Variants in PLCB1 observed in about 807,000 individuals in gnomAD.
The protein encoded by PLCB1 is 1-phosphatidylinositol 4,5-bisphosphate phosphodiesterase beta-1.
In PLCB1, 46 loss-of-function variants were observed where a neutral mutation model predicts 161.8. The observed-to-expected ratio is 0.28, with a 90% confidence interval of 0.22 to 0.36. The LOEUF (loss-of-function observed/expected upper bound fraction) is 0.36. Among genes scored for constraint, PLCB1 ranks in the 10% least tolerant of loss-of-function variants. The pLI is 1.00. For missense variants in PLCB1, 1,016 were observed against 1,472.5 expected, an observed-to-expected ratio of 0.69 and a Z score of 5.07; for synonymous variants, 517 against 503.7, an observed-to-expected ratio of 1.03 and a Z score of -0.35.
intron 9 of PLCB1, among the ~76,000 whole-genome samples, chr20:8,664,667 T>C (rs1989764866): frequency 6.6e-6 from 1 of 152,084 alleles, no homozygotes; most frequent in African/African-American, 2.4e-5. Flanking sequence ...CTTGTGCATA[T>C]AAGCAAAAAG....
intron 3 of PLCB1, among the ~76,000 whole-genome samples, chr20:8,538,380 T>C (rs978905360): frequency 2.0e-5 from 3 of 152,208 alleles, no homozygotes; most frequent in Non-Finnish European, 4.4e-5. Context: ...ATGGTCTTGC[T>C]CTGTTGCCCA....
intron 3 of PLCB1, among the ~76,000 whole-genome samples, chr20:8,445,695 C>T (rs2122629460): frequency 6.6e-6 from 1 of 152,152 alleles, no homozygotes; most frequent in East Asian, 1.9e-4. Context: ...AATGTTCTTC[C>T]ATTTGTTTGT....
At chr20:8,591,632 G>A (rs983892056) in intron 3 of PLCB1, among the ~76,000 whole-genome samples, 7 of 152,154 alleles carry the variant, frequency 4.6e-5, no homozygotes, top group Non-Finnish European at 7.3e-5. Context: ...CTTAAGAGAC[G>A]TTATTTTTTG....
At chr20:8,542,266 G>T in intron 3 of PLCB1, among the ~76,000 whole-genome samples, 1 of 152,126 alleles carries the variant, frequency 6.6e-6, no homozygotes, top group East Asian at 1.9e-4. Flanking sequence ...TGCGGCCTTT[G>T]TCTAAGCAGA....
intron 4 of PLCB1, among the ~76,000 whole-genome samples, chr20:8,629,195 A>T (rs1248697760): frequency 6.6e-6 from 1 of 152,120 alleles, no homozygotes; most frequent in African/African-American, 2.4e-5. Flanking sequence ...TACTCAGTTA[A>T]TATGTAGACT....
intron 25 of PLCB1, among the ~76,000 whole-genome samples, chr20:8,761,977 G>GGGA (rs1018253027): frequency 4.4e-5 from 3 of 67,622 alleles, no homozygotes; most frequent in Admixed American, 1.9e-4. Flanking sequence ...GGGAGGCCAA[G>GGGA]GGGGGGGCGG....
intron 3 of PLCB1, among the ~76,000 whole-genome samples, chr20:8,559,643 T>C (rs1463829361): frequency 6.6e-6 from 1 of 152,048 alleles, no homozygotes; most frequent in African/African-American, 2.4e-5. Flanking sequence ...ATTCAAATTC[T>C]AAAAGAGAAC....
chr20:8,433,456 G>A (rs1395308205), intron 3 of PLCB1, among the ~76,000 whole-genome samples: 1 of 116,604 alleles, frequency 8.6e-6, no homozygotes, highest in Non-Finnish European at 1.9e-5. Flanking sequence ...CTTCCATAAA[G>A]AGGGGAACTG....
At chr20:8,631,951 C>T in intron 4 of PLCB1, among the ~76,000 whole-genome samples, 1 of 127,666 alleles carries the variant, frequency 7.8e-6, no homozygotes, top group East Asian at 2.5e-4. Context: ...AATGTCCTTA[C>T]AACACTCAAC....
intron 20 of PLCB1, among the ~76,000 whole-genome samples, chr20:8,738,696 C>G (rs1257764339): frequency 6.6e-6 from 1 of 152,144 alleles, no homozygotes; most frequent in Admixed American, 6.5e-5. Flanking sequence ...AATAAAACAG[C>G]CTATTTTTTT....
chr20:8,586,573 G>T (rs1986998919), intron 3 of PLCB1, among the ~76,000 whole-genome samples: 1 of 152,020 alleles, frequency 6.6e-6, no homozygotes, highest in Non-Finnish European at 1.5e-5. Flanking sequence ...CCCTTACATT[G>T]GCCGGCCTGA....
At chr20:8,338,659 T>C (rs2122215896) in intron 2 of PLCB1, among the ~76,000 whole-genome samples, 1 of 152,314 alleles carries the variant, frequency 6.6e-6, no homozygotes, top group South Asian at 2.1e-4. Context: ...ATAATTTATA[T>C]AGAGTAGAAT....
At chr20:8,161,627 C>T (rs2051624895) in intron 2 of PLCB1, among the ~76,000 whole-genome samples, 1 of 152,112 alleles carries the variant, frequency 6.6e-6, no homozygotes, top group South Asian at 2.1e-4. Flanking sequence ...AGGCCTAGTA[C>T]ATTTGCTAGG....
At chr20:8,825,155 A>C (rs1028896874) in intron 31 of PLCB1, among the ~76,000 whole-genome samples, 4 of 152,222 alleles carry the variant, frequency 2.6e-5, no homozygotes, top group African/African-American at 9.7e-5. Context: ...CTTTGTAAAA[A>C]GTAGACATTG....
intron 9 of PLCB1, among the ~76,000 whole-genome samples, chr20:8,666,082 G>A (rs751028456): frequency 3.3e-5 from 5 of 152,178 alleles, no homozygotes; most frequent in Non-Finnish European, 7.3e-5. Context: ...AGTAGTTGAA[G>A]AATAAATACC....
chr20:8,342,964 T>A (rs959040699), intron 2 of PLCB1, among the ~76,000 whole-genome samples: 3 of 152,324 alleles, frequency 2.0e-5, no homozygotes, highest in South Asian at 2.1e-4. Context: ...CACATGGATA[T>A]CCAAGGAATA....
intron 3 of PLCB1, among the ~76,000 whole-genome samples, chr20:8,467,999 A>G (rs1981891311): frequency 6.6e-6 from 1 of 152,190 alleles, no homozygotes. Context: ...CTGCTACAGG[A>G]AAAATGTGGA....
intron 3 of PLCB1, among the ~76,000 whole-genome samples, chr20:8,451,780 A>G (rs1981085152): frequency 6.8e-6 from 1 of 147,616 alleles, no homozygotes; most frequent in Non-Finnish European, 1.5e-5. Flanking sequence ...ATTTTCCTTC[A>G]TTCTTTTCTT....
chr20:8,293,819 G>A (rs1244007388), intron 2 of PLCB1, among the ~76,000 whole-genome samples: 1 of 152,140 alleles, frequency 6.6e-6, no homozygotes, highest in Non-Finnish European at 1.5e-5. Flanking sequence ...GAAAGGGATA[G>A]CAGAGTCAAG....
Sources: allele counts gnomAD v4.1 joint callset (sites outside exome capture counted in the v4.1 genomes callset), GRCh38; gene constraint gnomAD v4.1.1; transcripts MANE v1.5; gene names NCBI Gene and HGNC (gene_info 2026-07-23, HGNC 2026-07-21).